The following ARL5A variants were observed in gnomAD, a reference collection of about 807,000 sequenced individuals.
ARL5A encodes ARF like GTPase 5A.
Under a neutral mutation model 25.9 loss-of-function variants are expected in ARL5A, and 18 were observed. The ratio of observed to expected loss-of-function variants is 0.69; its 90% confidence interval spans 0.48 to 1.03. The LOEUF (loss-of-function observed/expected upper bound fraction) is 1.03. Among genes scored for constraint, ARL5A ranks in the 50% least tolerant of loss-of-function variants. ARL5A has a pLI of 0.00. For missense variants in ARL5A, 170 were observed against 211.9 expected (o/e 0.80, Z 1.23); for synonymous variants, 61 against 67.5 (o/e 0.90, Z 0.47).
chr2:151,828,153 T>A lies in ARL5A; in HGVS notation c.24A>T (p.Ile8=). 5 of 1,608,806 alleles carry A rather than the reference T, an allele frequency of 3.1e-6. No homozygotes were observed. Among genetic ancestry groups the A allele is most frequent in the Non-Finnish European group, 3.4e-6 (4 of 1,177,672 alleles). ...CACCCTGGTGATTGAACAGTCTCCA[T>A]ATTCTAGTGAAGAGAATTCCCATTC... The part of the protein sequence containing the change: MGILFTR[I]WRLFNHQEHK... The change falls in exon 1 of 6, where the codon ATA becomes ATT. Residue 8 remains isoleucine, a synonymous_variant. Coordinates refer to ENST00000295087, the MANE Select transcript of ARL5A (RefSeq NM_012097.4).
chr2:151,803,447 A>G (rs2099829685), intron 5 of ARL5A, 123 bp from the exon 6 acceptor site: 3 of 725,938 alleles, frequency 4.1e-6, no homozygotes, highest in Non-Finnish European at 7.3e-6. Flanking sequence ...TTTAAAAATC[A>G]ATAATATTCA....
Position 151,815,153 on chromosome 2 carries a change from G to A in ARL5A, c.93C>T (p.Thr31=). 1 of 1,605,368 alleles carries A rather than the reference G, an allele frequency of 6.2e-7. No individual in the cohort carries two copies. The highest frequency in any genetic ancestry group is 8.5e-7 in the Non-Finnish European group (1 of 1,175,510). ...TTAATACTTACAATTGGTAAAGAAT[G>A]GTAGTTTTCCCTGCATTATCCAGCC... The part of the protein sequence containing the change: ...IVGLDNAGKT[T]ILYQFSMNEV... The change falls in exon 2 of 6, where the codon ACC becomes ACT. Residue 31 remains threonine, a synonymous_variant. Transcript: ENST00000295087.
In ARL5A at chr2:151,818,002, G is replaced by A. The variant is rs115647135; in HGVS notation, c.47-2803C>T. ...GCCTGGGCAACAAGAGCGAAACCCC[G>A]TCTGTGGTCTTTAGTCTCCCAGATC... On this transcript the variant is annotated intron_variant, in intron 1 of 5. Transcript: ENST00000295087. 7.3e-3 allele frequency among the ~76,000 whole-genome samples: 1,105 copies of A among 152,240 alleles called. 12 individuals carry two copies. The highest frequency in any genetic ancestry group is 0.025 in the African/African-American group (1,055 of 41,532).
chr2:151,821,974 C>A (rs530132031), intron 1 of ARL5A, among the ~76,000 whole-genome samples: 2 of 152,048 alleles, frequency 1.3e-5, no homozygotes, highest in South Asian at 2.1e-4. Flanking sequence ...CTCAGCCTCC[C>A]GAGTAGCTGG....
Position 151,800,124 on chromosome 2 carries a change from A to G in ARL5A, c.*3152T>C, listed in dbSNP as rs1222070864. 6.6e-6 allele frequency: 1 copy of G among 152,252 alleles called. No homozygotes were observed. The highest frequency in any genetic ancestry group is 1.5e-5 in the Non-Finnish European group (1 of 68,056). 9.4% of individuals were successfully genotyped at this position (152,252 alleles called of 1,614,324 possible). On this transcript the variant is annotated 3_prime_UTR_variant, in exon 6 of 6. Transcript: ENST00000295087. ...ATCTCCTGTATACAAAGCAGAGCCT[A>G]TTACACGTACATTCCCAAAAATGCC...
chr2:151,811,942 A>AC (rs2099830898), intron 4 of ARL5A, among the ~76,000 whole-genome samples: 2 of 152,232 alleles, frequency 1.3e-5, no homozygotes, highest in African/African-American at 4.8e-5. Flanking sequence ...ACAATATCAG[A>AC]GAAACCTAAC....
intron 1 of ARL5A, among the ~76,000 whole-genome samples, chr2:151,820,769 T>C (rs1032490354): frequency 6.0e-5 from 9 of 150,248 alleles, no homozygotes; most frequent in Non-Finnish European, 1.0e-4. Context: ...ATGAAGTGGC[T>C]AGCCATGGAA....
chr2:151,815,171 A>T lies in ARL5A; in HGVS notation c.75T>A (p.Asp25Glu), dbSNP rs1007352443. The T allele has an allele frequency of 2.5e-6, 4 of 1,608,018 alleles. No individual in the cohort carries two copies. The highest frequency in any genetic ancestry group is 3.4e-6 in the Non-Finnish European group (4 of 1,177,478). ...AAAGAATGGTAGTTTTCCCTGCATTATCCAGCCCAACAATGATAACTTTGT... is the reference window on the plus strand; with the variant it reads ...AAAGAATGGTAGTTTTCCCTGCATTTTCCAGCCCAACAATGATAACTTTGT... ...QEHKVIIVGL[D>E]NAGKTTILYQ... Residue 25 changes from aspartate to glutamate, a missense_variant, in exon 2 of 6, where the codon GAT (aspartate) becomes GAA (glutamate). Asp to Glu is a conservative substitution (Grantham distance 45). Transcript: ENST00000295087.
rs1253005365 is a variant in ARL5A at position 151,801,047 on chromosome 2, T to A, written c.*2229A>T. On this transcript the variant is annotated 3_prime_UTR_variant, in exon 6 of 6. Transcript: ENST00000295087. ...TTAAAATGATTTTGACATTTTCATA[T>A]ATAAATTTATTTTTTTCCCAACTAT... 2 of 152,608 alleles carry A rather than the reference T, an allele frequency of 1.3e-5. No individual in the cohort carries two copies. Among genetic ancestry groups the A allele is most frequent in the African/African-American group, 4.8e-5 (2 of 41,462 alleles). 9.5% of individuals were successfully genotyped at this position (152,608 alleles called of 1,614,324 possible).
Position 151,800,746 on chromosome 2 carries a change from T to A in ARL5A, c.*2530A>T, listed in dbSNP as rs1156968063. 6.6e-6 allele frequency: 1 copy of A among 152,350 alleles called. No homozygotes were observed. The highest frequency in any genetic ancestry group is 1.9e-4 in the East Asian group (1 of 5,202). 9.4% of individuals were successfully genotyped at this position (152,350 alleles called of 1,614,324 possible). On this transcript the variant is annotated 3_prime_UTR_variant, in exon 6 of 6. Transcript: ENST00000295087. The stretch of plus-strand genomic sequence containing the variant: ...AAAATTAAACATATTCAAATGCTTA[T>A]AGCATATGGTTACTTTTGCCCAGAT...
chr2:151,820,525 T>C (rs2099832132), intron 1 of ARL5A, among the ~76,000 whole-genome samples: 2 of 151,960 alleles, frequency 1.3e-5, no homozygotes, highest in Non-Finnish European at 2.9e-5. Flanking sequence ...CTGGGTGTGG[T>C]GGCACACACT....
In ARL5A at chr2:151,812,701, T is replaced by C. The variant is rs575123700; in HGVS notation, c.256-261A>G. Among the ~76,000 whole-genome samples, 11 of 152,302 alleles carry C rather than the reference T, an allele frequency of 7.2e-5. No homozygotes were observed. The South Asian group carries it at 2.1e-3, about 29-fold the overall frequency. ...AACGCATGTCTGTTTTCTAAACTAG[T>C]ATCTTGAATGCTAATGGACCTATAT... On this transcript the variant is annotated intron_variant, in intron 3 of 5. Transcript: ENST00000295087.
At chr2:151,826,230 A>C (rs1297033760) in intron 1 of ARL5A, among the ~76,000 whole-genome samples, 1 of 152,244 alleles carries the variant, frequency 6.6e-6, no homozygotes, top group Non-Finnish European at 1.5e-5. Flanking sequence ...TTTAGCAGAA[A>C]ATAAATAATT....
chr2:151,815,094 A>G (rs2099831328), intron 2 of ARL5A, 45 bp downstream of exon 2: 1 of 1,460,486 alleles, frequency 6.8e-7, no homozygotes, highest in African/African-American at 1.4e-5. Flanking sequence ...CCAGGCCAAA[A>G]AAGTAACTAG....
rs555151513 is a variant in ARL5A, at chr2:151,799,564, T to C, written c.*3712A>G. 4 of 152,312 alleles carry C rather than the reference T, an allele frequency of 2.6e-5. No homozygotes were observed. Among genetic ancestry groups the C allele is most frequent in the Non-Finnish European group, 4.4e-5 (3 of 68,020 alleles). The allele number at this position is 152,312 out of a possible 1,614,324, so 9.4% of individuals were successfully genotyped here. The stretch of plus-strand genomic sequence containing the variant: ...TCACGGAAGTGGTAGAGTCTGGGTA[T>C]TTCTCCTATCTTTCTGAATCTACTT... On this transcript the variant is annotated 3_prime_UTR_variant, in exon 6 of 6. Transcript: ENST00000295087.
intron 4 of ARL5A, among the ~76,000 whole-genome samples, chr2:151,810,956 A>C (rs2099830759): frequency 6.6e-6 from 1 of 152,226 alleles, no homozygotes; most frequent in East Asian, 1.9e-4. Flanking sequence ...AAAAAAAACA[A>C]ACAAAAAAAA....
At chr2:151,812,794 T>A (rs922848966) in intron 3 of ARL5A, among the ~76,000 whole-genome samples, 2 of 152,104 alleles carry the variant, frequency 1.3e-5, no homozygotes, top group African/African-American at 4.8e-5. Flanking sequence ...TACTTCCAGG[T>A]AGATATTATT....
At chr2:151,822,326 T>C (rs762287706) in intron 1 of ARL5A, among the ~76,000 whole-genome samples, 1 of 152,186 alleles carries the variant, frequency 6.6e-6, no homozygotes, top group Non-Finnish European at 1.5e-5. Flanking sequence ...ATGACCATTT[T>C]TAATAGCTTC....
chr2:151,811,580 A>G (rs1056013672), intron 4 of ARL5A, among the ~76,000 whole-genome samples: 11 of 150,958 alleles, frequency 7.3e-5, no homozygotes, highest in African/African-American at 2.4e-4. Flanking sequence ...TTTATTTTTA[A>G]TTTTATTTTT....
Sources: gnomAD v4.1 joint callset for allele counts (sites outside exome capture counted in the v4.1 genomes callset) on GRCh38, gnomAD v4.1.1 for gene constraint, MANE v1.5 for transcripts, NCBI Gene and HGNC (gene_info 2026-07-23, HGNC 2026-07-21) for gene names.